The following AGK variants were observed in gnomAD, a reference collection of about 807,000 sequenced individuals.
The protein encoded by AGK is acylglycerol kinase.
In AGK, 52 loss-of-function variants were observed where a neutral mutation model predicts 66.4. That is an observed-to-expected ratio of 0.78 (90% CI 0.63 to 0.99). The LOEUF (loss-of-function observed/expected upper bound fraction) is 0.99, where lower values mean the gene tolerates loss of function less well. Among genes scored for constraint, AGK ranks in the 50% least tolerant of loss-of-function variants. The pLI, the probability that AGK is intolerant of heterozygous loss-of-function variation, is 0.00. For synonymous variants in AGK, 182 were observed against 181.1 expected (o/e 1.00, Z -0.04); for missense variants, 451 against 506.6 (o/e 0.89, Z 1.05).
intron 8 of AGK, among the ~76,000 whole-genome samples, chr7:141,617,199 GTA>G (rs1796725588): frequency 6.6e-6 from 1 of 150,762 alleles, no homozygotes; most frequent in Non-Finnish European, 1.5e-5. Flanking sequence ...GCTTTAGCCA[GTA>G]TTCCAAATAG....
At chr7:141,651,418 G>A in intron 14 of AGK, 107 bp from the exon 15 acceptor site, 2 of 851,868 alleles carry the variant, frequency 2.3e-6, no homozygotes, top group Admixed American at 2.0e-5. Context: ...TAGACCATCT[G>A]TCCACTTATG....
At chr7:141,610,939 A>G (rs1008079058) in intron 5 of AGK, among the ~76,000 whole-genome samples, 4 of 152,216 alleles carry the variant, frequency 2.6e-5, no homozygotes, top group Non-Finnish European at 4.4e-5. Flanking sequence ...TAAGAGACAA[A>G]TTATTGGGTT....
At position 141,651,610 on chromosome 7, in the gene AGK, G is replaced by T; in HGVS notation, c.1131+1G>T. On this transcript the variant is annotated splice_donor_variant, in intron 15 of 15. Coordinates refer to ENST00000649286, the MANE Select transcript of AGK (RefSeq NM_018238.4). LOFTEE classifies it high-confidence loss of function. ...CCAGTGCACTTTGCTTATCCCGGAG[G>T]TGAGTGGGGAAGGGGTCGGTAGTCA... is the stretch of plus-strand genomic sequence containing the variant. 1 of 1,614,172 alleles carries T rather than the reference G, an allele frequency of 6.2e-7. No individual in the cohort carries two copies. The highest frequency in any genetic ancestry group is 8.5e-7 in the Non-Finnish European group (1 of 1,179,962).
chr7:141,599,416 T>C (rs1796295397), intron 4 of AGK: 1 of 152,160 alleles, frequency 6.6e-6, no homozygotes, highest in East Asian at 1.9e-4. Context: ...TTATTTCTTA[T>C]TAGTAACACT....
rs781606250 is a variant in AGK, at chr7:141,596,576, A to G, written c.156A>G (p.Gln52=). The G allele has an allele frequency of 3.7e-6, 6 of 1,614,026 alleles. No individual in the cohort carries two copies. Among genetic ancestry groups the G allele is most frequent in the Non-Finnish European group, 3.4e-6 (4 of 1,179,956 alleles). ...ACQEAQVFGN[Q]LIPPNAQVKK... is the part of the protein sequence containing the mutation. ...TTCTTTTTTAGGTGTTTGGCAATCA[A>G]CTCATTCCTCCCAATGCACAAGTGA... The change falls in exon 4 of 16, where the codon CAA becomes CAG. Residue 52 remains glutamine, a synonymous_variant. Transcript: ENST00000649286.
At position 141,653,289 on chromosome 7, in the gene AGK, G is replaced by A. The variant is rs886062024; in HGVS notation, c.*365G>A. 3 of 186,768 alleles carry A rather than the reference G, an allele frequency of 1.6e-5. No individual in the cohort carries two copies. The highest frequency in any genetic ancestry group is 1.3e-4 in the East Asian group (1 of 7,774). The allele number at this position is 186,768 out of a possible 1,614,324, so 11.6% of individuals were successfully genotyped here. ...GCCCTTCCATTTCTCTTCTTTGACCGTGCTAGGAATTCCAGGAAAGTGCAT... is the reference window on the plus strand; with the variant it reads ...GCCCTTCCATTTCTCTTCTTTGACCATGCTAGGAATTCCAGGAAAGTGCAT... On this transcript the variant is annotated 3_prime_UTR_variant, in exon 16 of 16. Coordinates refer to ENST00000649286, the MANE Select transcript of AGK (RefSeq NM_018238.4).
Position 141,596,618 on chromosome 7 carries a change from T to C in AGK, c.198T>C (p.Phe66=), listed in dbSNP as rs1009362574. The change falls in exon 4 of 16, where the codon TTT becomes TTC. Residue 66 remains phenylalanine (F), a synonymous_variant. Transcript: ENST00000649286. ...PNAQVKKATV[F]LNPAACKGKA... is the part of the protein sequence containing the mutation. The stretch of plus-strand genomic sequence containing the variant: ...CACAAGTGAAGAAGGCCACTGTTTT[T>C]CTCAATCCTGCAGCTTGCAAAGGGT... 1 of 1,614,090 alleles carries C rather than the reference T, an allele frequency of 6.2e-7. No individual in the cohort carries two copies. The highest frequency in any genetic ancestry group is 8.5e-7 in the Non-Finnish European group (1 of 1,179,964).
intron 9 of AGK, among the ~76,000 whole-genome samples, chr7:141,625,685 T>C (rs1796924081): frequency 6.6e-6 from 1 of 152,184 alleles, no homozygotes; most frequent in South Asian, 2.1e-4. Flanking sequence ...CAATGATTTT[T>C]ACCTGTGTGT....
chr7:141,615,048 G>T (rs931589736), intron 7 of AGK, among the ~76,000 whole-genome samples: 3 of 152,150 alleles, frequency 2.0e-5, no homozygotes, highest in African/African-American at 7.2e-5. Flanking sequence ...TTGTACTTAA[G>T]ATAGTTTATA....
At chr7:141,610,296 A>G (rs1440282069) in intron 5 of AGK, among the ~76,000 whole-genome samples, 1 of 152,126 alleles carries the variant, frequency 6.6e-6, no homozygotes, top group Non-Finnish European at 1.5e-5. Flanking sequence ...ATTATGCCAT[A>G]GGTGCTTAAG....
At chr7:141,603,674 T>C (rs1417990012) in intron 5 of AGK, among the ~76,000 whole-genome samples, 1 of 152,170 alleles carries the variant, frequency 6.6e-6, no homozygotes, top group Non-Finnish European at 1.5e-5. Flanking sequence ...TTTCTGCTTA[T>C]GATTCCATTG....
chr7:141,602,571 C>T (rs940841304), intron 5 of AGK, among the ~76,000 whole-genome samples: 2 of 152,030 alleles, frequency 1.3e-5, no homozygotes, highest in African/African-American at 2.4e-5. Context: ...TTTGTACCCT[C>T]TCTTTTTCCC....
At chr7:141,627,286 A>AT (rs369477652) in intron 9 of AGK, among the ~76,000 whole-genome samples, 2,818 of 151,174 alleles carry the variant, frequency 0.019, 98 homozygotes, top group African/African-American at 0.061. Flanking sequence ...CTAAACTCTT[A>AT]TTTTTTTTTC....
At chr7:141,564,277 C>T (rs1425793702) in intron 2 of AGK, among the ~76,000 whole-genome samples, 1 of 152,126 alleles carries the variant, frequency 6.6e-6, no homozygotes, top group Non-Finnish European at 1.5e-5. Flanking sequence ...AATAAAGATA[C>T]CTGAGACTGG....
intron 13 of AGK, 61 bp from the exon 14 acceptor site, chr7:141,649,202 A>AC (rs1797491259): frequency 1.9e-6 from 2 of 1,042,854 alleles, no homozygotes; most frequent in South Asian, 2.6e-5. Context: ...GCTGAGGATG[A>AC]CAACAGGCTG....
intron 3 of AGK, 94 bp downstream of exon 3, chr7:141,593,279 A>C (rs778452065): frequency 1.8e-6 from 2 of 1,117,644 alleles, no homozygotes; most frequent in Non-Finnish European, 2.7e-6. Context: ...AGTGTCTTGC[A>C]TCTGTGCAGT....
chr7:141,591,200 C>T (rs1363440076), intron 2 of AGK, among the ~76,000 whole-genome samples: 2 of 140,904 alleles, frequency 1.4e-5, no homozygotes, highest in Admixed American at 7.8e-5. Context: ...TCAGGCAATT[C>T]TCCTGCCTCA....
At chr7:141,581,434 C>T (rs1440719749) in intron 2 of AGK, among the ~76,000 whole-genome samples, 1 of 151,860 alleles carries the variant, frequency 6.6e-6, no homozygotes, top group African/African-American at 2.4e-5. Context: ...CCTGAACTAA[C>T]CTATAATGCT....
chr7:141,554,322 A>G (rs1419966188), intron 1 of AGK, among the ~76,000 whole-genome samples: 1 of 151,410 alleles, frequency 6.6e-6, no homozygotes, highest in African/African-American at 2.4e-5. Flanking sequence ...CCTAGGTGAC[A>G]GAGTGAGACC....
Sources: gnomAD v4.1 joint callset for allele counts (sites outside exome capture counted in the v4.1 genomes callset) on GRCh38, gnomAD v4.1.1 for gene constraint, MANE v1.5 for transcripts, NCBI Gene and HGNC (gene_info 2026-07-23, HGNC 2026-07-21) for gene names.